PTPRD: variants seen among roughly 807,000 people sequenced by gnomAD.
PTPRD encodes receptor-type tyrosine-protein phosphatase delta.
In PTPRD, 34 loss-of-function variants were observed where a neutral mutation model predicts 214.5. The ratio of observed to expected loss-of-function variants is 0.16; its 90% CI spans 0.12 to 0.21. The LOEUF (loss-of-function observed/expected upper bound fraction) is 0.21. Among genes scored for constraint, PTPRD ranks in the 10% least tolerant of loss-of-function variants. The pLI is 1.00. For missense variants in PTPRD, 2,545 were observed against 2,398.7 expected (o/e 1.06, Z -1.27); for synonymous variants, 1,128 against 845.7 (o/e 1.33, Z -5.79).
At chr9:9,876,093 G>A (rs551147676) in intron 5 of PTPRD, among the ~76,000 whole-genome samples, 3 of 152,204 alleles carry the variant, frequency 2.0e-5, no homozygotes, top group African/African-American at 7.2e-5. Context: ...GATGGGCCAT[G>A]CATAGGCCAG....
intron 9 of PTPRD, among the ~76,000 whole-genome samples, chr9:9,207,708 G>A (rs1299958257): frequency 6.6e-6 from 1 of 152,114 alleles, no homozygotes; most frequent in Non-Finnish European, 1.5e-5. Flanking sequence ...TTCCAGTAAT[G>A]TATTGCAACA....
intron 5 of PTPRD, among the ~76,000 whole-genome samples, chr9:9,892,744 T>TAA (rs34445709): frequency 0.026 from 3,771 of 144,226 alleles, 70 homozygotes; most frequent in African/African-American, 0.046. Context: ...AATAACGAGG[T>TAA]AAAAAAAAAA....
intron 39 of PTPRD, among the ~76,000 whole-genome samples, chr9:8,368,127 T>C (rs1047437142): frequency 6.6e-6 from 1 of 152,138 alleles, no homozygotes; most frequent in Non-Finnish European, 1.5e-5. Context: ...TCTACCCCCA[T>C]TTGTAGGATA....
At chr9:10,001,970 T>C (rs1301029696) in intron 4 of PTPRD, among the ~76,000 whole-genome samples, 2 of 152,052 alleles carry the variant, frequency 1.3e-5, no homozygotes, top group African/African-American at 4.8e-5. Context: ...GCATGAATTT[T>C]ATTAATGGGT....
At chr9:9,233,964 G>A (rs551740503) in intron 9 of PTPRD, among the ~76,000 whole-genome samples, 1 of 152,288 alleles carries the variant, frequency 6.6e-6, no homozygotes, top group Non-Finnish European at 1.5e-5. Flanking sequence ...GCATCCTGGG[G>A]TCTGGAGGAT....
At chr9:8,891,440 T>A (rs1566858505) in intron 11 of PTPRD, among the ~76,000 whole-genome samples, 1 of 139,908 alleles carries the variant, frequency 7.1e-6, no homozygotes, top group Non-Finnish European at 1.5e-5. Context: ...TCAATCTAAT[T>A]TTTTTTTTTT....
intron 9 of PTPRD, among the ~76,000 whole-genome samples, chr9:9,224,348 T>G (rs1257435152): frequency 6.6e-6 from 1 of 152,020 alleles, no homozygotes; most frequent in African/African-American, 2.4e-5. Flanking sequence ...AGGAAAATTT[T>G]CAATTTTAAA....
intron 5 of PTPRD, among the ~76,000 whole-genome samples, chr9:9,801,337 T>TA (rs35160371): frequency 3.1e-4 from 46 of 149,212 alleles, no homozygotes; most frequent in Admixed American, 1.0e-3. Context: ...TAAAGAGGAT[T>TA]AAAAAAAAAA....
chr9:9,434,260 C>G (rs928485587), intron 8 of PTPRD, among the ~76,000 whole-genome samples: 1 of 152,074 alleles, frequency 6.6e-6, no homozygotes, highest in Non-Finnish European at 1.5e-5. Context: ...CAATCTTAAC[C>G]TTAGGGTTCT....
At chr9:10,063,420 T>A (rs974718972) in intron 3 of PTPRD, among the ~76,000 whole-genome samples, 15 of 152,014 alleles carry the variant, frequency 9.9e-5, no homozygotes, top group Admixed American at 9.8e-4. Context: ...TAATAACATA[T>A]AGTATAGTAA....
At chr9:9,615,402 GC>G (rs1473998545) in intron 7 of PTPRD, among the ~76,000 whole-genome samples, 4 of 152,254 alleles carry the variant, frequency 2.6e-5, no homozygotes, top group African/African-American at 9.6e-5. Context: ...GACAGCTCCA[GC>G]CCGGCCAAAC....
At chr9:9,256,887 AG>A (rs1657835517) in intron 9 of PTPRD, among the ~76,000 whole-genome samples, 1 of 151,974 alleles carries the variant, frequency 6.6e-6, no homozygotes, top group Admixed American at 6.6e-5. Flanking sequence ...CTCCTCTCAG[AG>A]GGTCTTCTGT....
intron 3 of PTPRD, among the ~76,000 whole-genome samples, chr9:10,332,576 A>C (rs952055809): frequency 6.6e-6 from 1 of 151,844 alleles, no homozygotes; most frequent in Non-Finnish European, 1.5e-5. Flanking sequence ...AGTATGACAT[A>C]CTACATGCAG....
chr9:9,279,099 C>G, intron 9 of PTPRD, among the ~76,000 whole-genome samples: 1 of 150,964 alleles, frequency 6.6e-6, no homozygotes, highest in Admixed American at 6.6e-5. Context: ...AAAAGCTTAC[C>G]TCTGTCCATA....
At chr9:8,598,006 G>A (rs2094565588) in intron 14 of PTPRD, among the ~76,000 whole-genome samples, 1 of 152,026 alleles carries the variant, frequency 6.6e-6, no homozygotes, top group Non-Finnish European at 1.5e-5. Flanking sequence ...TCTCATTTTG[G>A]TACTAAAGAA....
At chr9:9,031,304 C>T (rs541195666) in intron 10 of PTPRD, among the ~76,000 whole-genome samples, 49 of 152,042 alleles carry the variant, frequency 3.2e-4, no homozygotes, top group Non-Finnish European at 5.9e-4. Context: ...TTAATGACAG[C>T]GATTTATTCT....
chr9:9,789,317 T>A (rs1225222727), intron 5 of PTPRD, among the ~76,000 whole-genome samples: 1 of 152,194 alleles, frequency 6.6e-6, no homozygotes, highest in Non-Finnish European at 1.5e-5. Flanking sequence ...GTATGAGATT[T>A]TCAGTGCGTA....
At chr9:10,058,495 C>G (rs2097699895) in intron 3 of PTPRD, among the ~76,000 whole-genome samples, 1 of 152,004 alleles carries the variant, frequency 6.6e-6, no homozygotes, top group East Asian at 1.9e-4. Flanking sequence ...CAAGTTATCC[C>G]AAATAAACTC....
intron 11 of PTPRD, among the ~76,000 whole-genome samples, chr9:8,778,126 T>C (rs1697315378): frequency 6.6e-6 from 1 of 152,204 alleles, no homozygotes; most frequent in Admixed American, 6.5e-5. Context: ...CATGCTACTT[T>C]TTACTGTTTA....
Sources: gnomAD v4.1 joint callset for allele counts (sites outside exome capture counted in the v4.1 genomes callset) on GRCh38, gnomAD v4.1.1 for gene constraint, MANE v1.5 for transcripts, NCBI Gene and HGNC (gene_info 2026-07-23, HGNC 2026-07-21) for gene names.